Variants in VGLL4 observed in about 807,000 individuals in gnomAD.
VGLL4 encodes vestigial like family member 4.
VGLL4 carries 7 observed loss-of-function variants against 21.0 expected under a neutral mutation model. The ratio of observed to expected loss-of-function variants is 0.33; its 90% CI spans 0.19 to 0.63. The LOEUF is 0.63. Among genes scored for constraint, VGLL4 ranks in the 20% least tolerant of loss-of-function variants. The probability of loss-of-function intolerance (pLI) is 0.78; values close to 1 mark genes in which losing one functional copy is unlikely to be tolerated. For missense variants in VGLL4, 394 were observed against 425.7 expected (o/e 0.93, Z 0.66); for synonymous variants, 222 against 173.2 (o/e 1.28, Z -2.21).
chr3:11,559,544 G>C, intron 3 of VGLL4, 89 bp from the exon 4 acceptor site: 1 of 1,419,458 alleles, frequency 7.0e-7, no homozygotes, highest in Non-Finnish European at 9.2e-7. Flanking sequence ...TTCAGGCTCT[G>C]TCCTGGTGCC....
At chr3:11,658,027 AAAAAG>A (rs10582594) in intron 2 of VGLL4, among the ~76,000 whole-genome samples, 152,217 of 152,220 alleles carry the variant, frequency 1, 76,107 homozygotes, top group Middle Eastern at 1. Flanking sequence ...CGGGACTTTA[AAAAAG>A]GCGATCCTCC....
At chr3:11,597,245 A>T (rs1408965104) in intron 2 of VGLL4, among the ~76,000 whole-genome samples, 1 of 147,942 alleles carries the variant, frequency 6.8e-6, no homozygotes, top group Non-Finnish European at 1.5e-5. Context: ...AAGGGCCATT[A>T]AAAAAAAAAC....
At chr3:11,582,515 G>A in intron 2 of VGLL4, 1 of 671,208 alleles carries the variant, frequency 1.5e-6, no homozygotes, top group Non-Finnish European at 2.5e-6. Flanking sequence ...GGAACTCCTG[G>A]GAGGGTTTAT....
At chr3:11,564,075 T>G (rs748834751) in intron 3 of VGLL4, among the ~76,000 whole-genome samples, 3 of 152,194 alleles carry the variant, frequency 2.0e-5, no homozygotes, top group Non-Finnish European at 4.4e-5. Flanking sequence ...GACTACTGAC[T>G]AAGGACCTAT....
At chr3:11,593,729 C>G (rs1420859192) in intron 2 of VGLL4, among the ~76,000 whole-genome samples, 1 of 152,164 alleles carries the variant, frequency 6.6e-6, no homozygotes, top group Non-Finnish European at 1.5e-5. Flanking sequence ...ATCGGGACAT[C>G]GGGCTCCAGC....
At chr3:11,711,143 GC>G (rs1367521081) in intron 1 of VGLL4, among the ~76,000 whole-genome samples, 1 of 151,788 alleles carries the variant, frequency 6.6e-6, no homozygotes, top group Non-Finnish European at 1.5e-5. Flanking sequence ...AATGGCTCAT[GC>G]CTGTAATTCC....
Position 11,665,101 on chromosome 3 carries a change from C to CTTTTTTTTT in VGLL4, c.64+37861_64+37869dup, listed in dbSNP as rs59999510. Among the ~76,000 whole-genome samples the CTTTTTTTTT allele has an allele frequency of 3.2e-4, 31 of 96,966 alleles. 4 individuals carry two copies. Among genetic ancestry groups the CTTTTTTTTT allele is most frequent in the African/African-American group, 1.1e-3 (22 of 20,506 alleles). The allele number at this position is 96,966 out of a possible 152,430, so 63.6% of individuals were successfully genotyped here. A position where few individuals can be genotyped will look rare whatever the true frequency, so the allele number is the denominator to read the frequency against. On this transcript the variant is annotated intron_variant, in intron 2 of 5. Coordinates refer to the VGLL4 transcript ENST00000273038. ...AAATGAAAGCAATTTGAATATTTTT[C>CTTTTTTTTT]TTTTTTTTTTTTTTTTTTTTTTTTT...
intron 1 of VGLL4, chr3:11,607,380 A>T (rs2074968555): frequency 6.6e-6 from 1 of 152,116 alleles, no homozygotes; most frequent in Non-Finnish European, 1.5e-5. Context: ...CAGAAGAGGG[A>T]GGCTCACAGG....
Position 11,556,962 on chromosome 3 carries a change from C to T in VGLL4, c.*1594G>A, listed in dbSNP as rs1056123849. The T allele has an allele frequency of 1.3e-5, 2 of 152,706 alleles. No homozygotes were observed. Among genetic ancestry groups the T allele is most frequent in the Non-Finnish European group, 1.5e-5 (1 of 68,064 alleles). 9.5% of individuals were successfully genotyped at this position (152,706 alleles called of 1,614,324 possible). A position where few individuals can be genotyped will look rare whatever the true frequency, so the allele number is the denominator to read the frequency against. ...GAGCCAGTCCTCCGACCTTTTCACC[C>T]AGTGCCAATTTCCAAAATTCAACAG... On this transcript the variant is annotated 3_prime_UTR_variant, in exon 5 of 5. Coordinates refer to ENST00000430365, the MANE Select transcript of VGLL4 (RefSeq NM_001128219.3).
chr3:11,622,013 T>G (rs908249839), intron 1 of VGLL4, among the ~76,000 whole-genome samples: 6 of 150,804 alleles, frequency 4.0e-5, no homozygotes, highest in African/African-American at 1.5e-4. Flanking sequence ...ACTGTTGAGA[T>G]GTAAGAGTTC....
At chr3:11,633,030 C>T (rs1334480957) in intron 1 of VGLL4, 1 of 152,224 alleles carries the variant, frequency 6.6e-6, no homozygotes, top group Non-Finnish European at 1.5e-5. Context: ...TTTTTCTTCT[C>T]TCTCTTCCCC....
chr3:11,628,688 C>CA (rs2075411185), intron 1 of VGLL4, among the ~76,000 whole-genome samples: 1 of 152,038 alleles, frequency 6.6e-6, no homozygotes, highest in Admixed American at 6.6e-5. Context: ...GGCGTGGTGG[C>CA]GGGCGCCTGT....
intron 2 of VGLL4, among the ~76,000 whole-genome samples, chr3:11,696,917 A>G (rs2076613646): frequency 6.6e-6 from 1 of 151,884 alleles, no homozygotes; most frequent in Non-Finnish European, 1.5e-5. Context: ...TAATTTTTAA[A>G]TTTTTTGTAG....
rs1393986208 is a variant in VGLL4, at chr3:11,664,996, G to C, written c.64+37975C>G. Among the ~76,000 whole-genome samples the C allele has an allele frequency of 2.0e-5, 3 of 150,200 alleles. No homozygotes were observed. The East Asian group carries it at 5.9e-4, about 30-fold the overall frequency. On this transcript the variant is annotated intron_variant, in intron 2 of 5. Coordinates refer to the VGLL4 transcript ENST00000273038. ...GGCTGGAGTGCAGCAGCAACTACTA[G>C]AGATTGTCTTAAATGTCTCTAGTTA...
intron 1 of VGLL4, among the ~76,000 whole-genome samples, chr3:11,716,511 T>C (rs952305335): frequency 2.6e-5 from 4 of 152,116 alleles, no homozygotes; most frequent in African/African-American, 4.8e-5. Flanking sequence ...TCAGAGGCAT[T>C]GATTTGGGGC....
At chr3:11,632,991 T>G (rs1171968197) in intron 1 of VGLL4, 1 of 152,202 alleles carries the variant, frequency 6.6e-6, no homozygotes, top group Non-Finnish European at 1.5e-5. Flanking sequence ...ACTTCAAATG[T>G]TTTCCTACAG....
At chr3:11,696,909 A>C (rs1559950351) in intron 2 of VGLL4, among the ~76,000 whole-genome samples, 1 of 151,872 alleles carries the variant, frequency 6.6e-6, no homozygotes, top group South Asian at 2.1e-4. Flanking sequence ...TGCCCACCTA[A>C]TTTTTAAATT....
intron 3 of VGLL4, among the ~76,000 whole-genome samples, chr3:11,561,860 G>GA (rs1362420491): frequency 7.0e-6 from 1 of 143,074 alleles, no homozygotes; most frequent in African/African-American, 2.6e-5. Context: ...TCTCCTATCT[G>GA]AAAGCAACCC....
intron 1 of VGLL4, among the ~76,000 whole-genome samples, chr3:11,718,657 T>A (rs146323123): frequency 5.3e-4 from 80 of 152,296 alleles, no homozygotes; most frequent in Non-Finnish European, 1.0e-3. Context: ...AGACTCCTTC[T>A]GAGTAGAGGT....
Sources: allele counts gnomAD v4.1 joint callset (sites outside exome capture counted in the v4.1 genomes callset), GRCh38; gene constraint gnomAD v4.1.1; transcripts MANE v1.5; gene names NCBI Gene and HGNC (gene_info 2026-07-23, HGNC 2026-07-21).